CNTN4: variants seen among roughly 807,000 people sequenced by gnomAD.
The protein encoded by CNTN4 is contactin-4.
In CNTN4, 77 loss-of-function variants were observed where a neutral mutation model predicts 122.5. The ratio of observed to expected loss-of-function variants is 0.63; its 90% confidence interval spans 0.52 to 0.76. The LOEUF (loss-of-function observed/expected upper bound fraction) is 0.76, where lower values mean the gene tolerates loss of function less well. CNTN4 is among the 30% of genes least tolerant of loss of function. CNTN4 has a pLI of 0.00. For synonymous variants in CNTN4, 512 were observed against 447.0 expected, an observed-to-expected ratio of 1.15 and a Z score of -1.83; for missense variants, 1,256 against 1,259.1, an observed-to-expected ratio of 1.00 and a Z score of 0.04.
chr3:2,389,090 G>A (rs557171016), intron 3 of CNTN4, among the ~76,000 whole-genome samples: 7 of 152,150 alleles, frequency 4.6e-5, no homozygotes, highest in African/African-American at 1.7e-4. Context: ...GAACCTGGGA[G>A]GGGGAGGTTG....
rs541504640 is a variant in CNTN4 at position 2,507,667 on chromosome 3, G to A, written c.-88-63749G>A. On this transcript the variant is annotated intron_variant, in intron 3 of 24. Coordinates refer to ENST00000418658, the MANE Select transcript of CNTN4 (RefSeq NM_175607.3). ...GGAGAATCACTTGAACCCAGGAGGC[G>A]GAGGTTGCAGTGAGCCGAGATTGCA... 4.6e-5 allele frequency among the ~76,000 whole-genome samples: 7 copies of A among 150,900 alleles called. No individual in the cohort carries two copies. The East Asian group carries it at 7.8e-4, about 17-fold the overall frequency.
intron 2 of CNTN4, among the ~76,000 whole-genome samples, chr3:2,334,152 C>G (rs1413486402): frequency 6.6e-6 from 1 of 151,966 alleles, no homozygotes; most frequent in African/African-American, 2.4e-5. Flanking sequence ...TTTGGCTTGT[C>G]TCATTTTATC....
At chr3:2,560,480 T>C (rs2078905639) in intron 3 of CNTN4, among the ~76,000 whole-genome samples, 2 of 152,290 alleles carry the variant, frequency 1.3e-5, no homozygotes, top group Non-Finnish European at 2.9e-5. Context: ...CTGACTTCCT[T>C]CTAAGTAAAA....
At chr3:2,791,761 G>A (rs1203858011) in intron 6 of CNTN4, among the ~76,000 whole-genome samples, 2 of 152,182 alleles carry the variant, frequency 1.3e-5, no homozygotes, top group Non-Finnish European at 2.9e-5. Flanking sequence ...ACTGCCTCTA[G>A]GGGTTTTAGG....
chr3:2,908,765 C>T (rs976310928), intron 12 of CNTN4, among the ~76,000 whole-genome samples: 4 of 152,136 alleles, frequency 2.6e-5, no homozygotes, highest in Non-Finnish European at 4.4e-5. Context: ...GGAGCCATCC[C>T]TAAGGGTGAG....
intron 2 of CNTN4, among the ~76,000 whole-genome samples, chr3:2,289,939 A>G (rs2042073055): frequency 6.6e-6 from 1 of 152,178 alleles, no homozygotes; most frequent in Admixed American, 6.6e-5. Context: ...ACTTGGAGGC[A>G]TAGTTTTCAG....
intron 8 of CNTN4, among the ~76,000 whole-genome samples, chr3:2,878,553 C>CTGTATGTGTGTGTGTGTGTG (rs1553677426): frequency 6.8e-6 from 1 of 146,844 alleles, no homozygotes; most frequent in Non-Finnish European, 1.5e-5. Flanking sequence ...GAGATGCTCT[C>CTGTATGTGTGTGTGTGTGTG]TGTGTGTGTG....
chr3:2,227,267 T>G (rs2039321820), intron 2 of CNTN4, among the ~76,000 whole-genome samples: 1 of 152,198 alleles, frequency 6.6e-6, no homozygotes. Flanking sequence ...TTCAAGAAGA[T>G]AAGTTGGTAG....
chr3:2,800,093 T>TC (rs1236738216), intron 6 of CNTN4, among the ~76,000 whole-genome samples: 1 of 151,476 alleles, frequency 6.6e-6, no homozygotes, highest in East Asian at 1.9e-4. Flanking sequence ...TTTTTTTTTT[T>TC]TGCTTAAGAT....
At chr3:2,547,423 G>A (rs1467000293) in intron 3 of CNTN4, among the ~76,000 whole-genome samples, 1 of 151,924 alleles carries the variant, frequency 6.6e-6, no homozygotes, top group Non-Finnish European at 1.5e-5. Flanking sequence ...TCACCACCAT[G>A]CCCAGCTAAT....
chr3:2,690,945 G>A (rs768524980), intron 4 of CNTN4, among the ~76,000 whole-genome samples: 35 of 152,064 alleles, frequency 2.3e-4, no homozygotes, highest in Non-Finnish European at 4.9e-4. Context: ...TTACTATTGT[G>A]CCCTTTACAG....
At chr3:2,214,449 CATTTT>C (rs1217357449) in intron 2 of CNTN4, among the ~76,000 whole-genome samples, 2 of 152,090 alleles carry the variant, frequency 1.3e-5, no homozygotes, top group Non-Finnish European at 2.9e-5. Context: ...AAATGTCTGT[CATTTT>C]CTTTTCTTGA....
chr3:2,963,501 T>C (rs1360827051), intron 13 of CNTN4, among the ~76,000 whole-genome samples: 1 of 152,192 alleles, frequency 6.6e-6, no homozygotes, highest in African/African-American at 2.4e-5. Context: ...GGCCTTTCTG[T>C]TCCAGGAAAA....
intron 2 of CNTN4, among the ~76,000 whole-genome samples, chr3:2,140,755 C>T (rs566521635): frequency 6.6e-6 from 1 of 152,260 alleles, no homozygotes; most frequent in African/African-American, 2.4e-5. Context: ...TTTTTTGGTA[C>T]AAAGCTGGTG....
chr3:2,845,192 TA>T (rs1354264855), intron 7 of CNTN4, among the ~76,000 whole-genome samples: 2 of 152,254 alleles, frequency 1.3e-5, no homozygotes, highest in Non-Finnish European at 2.9e-5. Flanking sequence ...TATTTTTAAA[TA>T]AAAGACAATT....
chr3:2,677,779 A>T (rs1185838078), intron 4 of CNTN4, among the ~76,000 whole-genome samples: 1 of 152,176 alleles, frequency 6.6e-6, no homozygotes, highest in Admixed American at 6.5e-5. Flanking sequence ...TTGGAAGAAA[A>T]AGGAGTGAAT....
At position 2,712,286 on chromosome 3, in the gene CNTN4, G is replaced by T. The variant is rs2087196624; in HGVS notation, c.56-23929G>T. Among the ~76,000 whole-genome samples the T allele has an allele frequency of 2.6e-5, 4 of 152,104 alleles. No homozygotes were observed. In the South Asian group the frequency reaches 8.3e-4, roughly 31 times the overall value. On this transcript the variant is annotated intron_variant, in intron 4 of 24. Coordinates refer to ENST00000418658, the MANE Select transcript of CNTN4 (RefSeq NM_175607.3). ...AAAAAGTCTTCTGCATTATTATATGGTGATATTAATTTCAATTTAAAAATA... is the reference window on the plus strand; with the variant it reads ...AAAAAGTCTTCTGCATTATTATATGTTGATATTAATTTCAATTTAAAAATA...
At chr3:2,205,722 C>G (rs1014082839) in intron 2 of CNTN4, among the ~76,000 whole-genome samples, 1 of 152,000 alleles carries the variant, frequency 6.6e-6, no homozygotes, top group Non-Finnish European at 1.5e-5. Flanking sequence ...AATAAGCATA[C>G]TAGAAACCCA....
intron 2 of CNTN4, among the ~76,000 whole-genome samples, chr3:2,163,069 C>G (rs540052648): frequency 2.0e-4 from 30 of 152,272 alleles, no homozygotes; most frequent in Middle Eastern, 3.4e-3. Flanking sequence ...TGCACCCCAG[C>G]CTGAGCAGCA....
Sources: allele counts gnomAD v4.1 joint callset (sites outside exome capture counted in the v4.1 genomes callset), GRCh38; gene constraint gnomAD v4.1.1; transcripts MANE v1.5; gene names NCBI Gene and HGNC (gene_info 2026-07-23, HGNC 2026-07-21).